ADAM20: variants seen among roughly 807,000 people sequenced by gnomAD.
ADAM20 encodes disintegrin and metalloproteinase domain-containing protein 20.
For missense variants in ADAM20, 871 were observed against 883.2 expected, an observed-to-expected ratio of 0.99 and a Z score of 0.18; for synonymous variants, 305 against 310.2, an observed-to-expected ratio of 0.98 and a Z score of 0.18.
At chr14:70,544,478 T>A in the ADAM20 span, among the ~76,000 whole-genome samples, 42 of 152,292 alleles carry the variant, frequency 2.8e-4, no homozygotes, top group African/African-American at 9.4e-4. Context: ...GCTAAAGCAG[T>A]GCTTACATGG....
chr14:70,545,145 C>T, the ADAM20 span, among the ~76,000 whole-genome samples: 1 of 152,174 alleles, frequency 6.6e-6, no homozygotes, highest in Non-Finnish European at 1.5e-5. Flanking sequence ...CACTGATCAT[C>T]CCCACTGAAG....
the ADAM20 span, among the ~76,000 whole-genome samples, chr14:70,561,531 T>A: frequency 6.6e-6 from 1 of 152,176 alleles, no homozygotes; most frequent in African/African-American, 2.4e-5. Context: ...GCCAAGACAA[T>A]GGGGAAAATG....
chr14:70,567,623 AT>A, the ADAM20 span, among the ~76,000 whole-genome samples: 1 of 152,104 alleles, frequency 6.6e-6, no homozygotes, highest in Admixed American at 6.5e-5. Context: ...AAGTAAGCCC[AT>A]GCTGCATGGG....
the ADAM20 span, among the ~76,000 whole-genome samples, chr14:70,541,365 G>T: frequency 6.6e-6 from 1 of 152,130 alleles, no homozygotes; most frequent in Non-Finnish European, 1.5e-5. Flanking sequence ...TAGATTAAAA[G>T]GTTAAAGAAT....
the ADAM20 span, among the ~76,000 whole-genome samples, chr14:70,577,275 T>A: frequency 6.6e-6 from 1 of 152,112 alleles, no homozygotes; most frequent in African/African-American, 2.4e-5. Flanking sequence ...AATAATATCA[T>A]GAAAAAGTGG....
chr14:70,540,115 G>A, the ADAM20 span, among the ~76,000 whole-genome samples: 40 of 152,080 alleles, frequency 2.6e-4, no homozygotes, highest in African/African-American at 7.2e-5. Flanking sequence ...TCTTGACCTC[G>A]TGATCCGCCT....
chr14:70,523,841 A>G lies in ADAM20; in HGVS notation c.917T>C (p.Met306Thr). ...TTTAACATAGGCAACACCAAGCTTC[A>G]TGCCTTGTGTGTCTTTTATGAAAAG... ...AHLFIKDTQG[M>T]KLGVAYVKGI... Residue 306 changes from methionine to threonine, a missense_variant, in exon 2 of 2, where the codon ATG (methionine) becomes ACG (threonine). Physicochemically the swap from Met to Thr is moderately conservative, Grantham distance 81. Coordinates refer to ENST00000256389, the MANE Select transcript of ADAM20 (RefSeq NM_003814.5). 1 of 1,614,020 alleles carries G rather than the reference A, an allele frequency of 6.2e-7. No homozygotes were observed. Among genetic ancestry groups the G allele is most frequent in the Non-Finnish European group, 8.5e-7 (1 of 1,179,952 alleles).
chr14:70,575,279 C>T, the ADAM20 span, among the ~76,000 whole-genome samples: 1 of 152,026 alleles, frequency 6.6e-6, no homozygotes, highest in East Asian at 1.9e-4. Context: ...ACTGAAACCT[C>T]CACCTCTCAG....
chr14:70,524,146 G>A lies in ADAM20; in HGVS notation c.612C>T (p.Thr204=), dbSNP rs766911811. 3.1e-6 allele frequency: 5 copies of A among 1,613,644 alleles called. No homozygotes were observed. The African/African-American group carries it at 6.7e-5, about 22-fold the overall frequency. ...CTACCAGCTCAACAAACCGCTGATG[G>A]GTCCACCAGCCCACAAAAGAACTTT... The part of the protein sequence containing the change: ...LKQSSFVGWW[T]HQRFVELVVV... Residue 204 remains threonine, a synonymous_variant, in exon 2 of 2, where the codon ACC becomes ACT. Coordinates refer to ENST00000256389, the MANE Select transcript of ADAM20 (RefSeq NM_003814.5).
chr14:70,572,455 C>A, the ADAM20 span, among the ~76,000 whole-genome samples: 1 of 151,996 alleles, frequency 6.6e-6, no homozygotes, highest in Admixed American at 6.6e-5. Flanking sequence ...TAACTCAAAT[C>A]AGATTAAAGA....
the ADAM20 span, among the ~76,000 whole-genome samples, chr14:70,546,760 A>C: frequency 5.3e-5 from 8 of 152,212 alleles, no homozygotes; most frequent in African/African-American, 1.7e-4. Flanking sequence ...CTAGAAAAGC[A>C]ACAGCAAACC....
At chr14:70,530,544 G>C (rs1288795751) in intron 1 of ADAM20, among the ~76,000 whole-genome samples, 1 of 152,018 alleles carries the variant, frequency 6.6e-6, no homozygotes, top group Non-Finnish European at 1.5e-5. Context: ...GTAATGCATA[G>C]GTTTGTTTAC....
At chr14:70,537,723 C>T (rs1389062894), upstream of ADAM20, among the ~76,000 whole-genome samples, 1 of 152,158 alleles carries the variant, frequency 6.6e-6, no homozygotes, top group East Asian at 1.9e-4. Flanking sequence ...CTCCACTGGG[C>T]TGTCTCCTTC....
Position 70,524,523 on chromosome 14 carries a change from T to A in ADAM20, c.235A>T (p.Asn79Tyr), listed in dbSNP as rs923645029. 22 of 1,613,976 alleles carry A rather than the reference T, an allele frequency of 1.4e-5. No homozygotes were observed. Among genetic ancestry groups the A allele is most frequent in the Non-Finnish European group, 1.8e-5 (21 of 1,179,926 alleles). ...GQRYIVHMRVNKLLFAAHLPV... is the reference protein window; with the variant it reads ...GQRYIVHMRVYKLLFAAHLPV... ...AGGTGTGCAGCAAACAACAGCTTAT[T>A]TACCCTCATGTGGACAATGTATCTC... Residue 79 changes from asparagine to tyrosine, a missense_variant, in exon 2 of 2, where the codon AAT becomes TAT. Physicochemically the swap from Asn to Tyr is moderately radical, Grantham distance 143 (BLOSUM62 -2). Transcript: ENST00000256389.
chr14:70,565,723 G>A, the ADAM20 span, among the ~76,000 whole-genome samples: 32 of 152,308 alleles, frequency 2.1e-4, no homozygotes, highest in African/African-American at 6.0e-4. Flanking sequence ...AATATAGTTA[G>A]AACAAATATT....
chr14:70,578,406 G>A, the ADAM20 span, among the ~76,000 whole-genome samples: 1 of 151,998 alleles, frequency 6.6e-6, no homozygotes, highest in African/African-American at 2.4e-5. Context: ...GAAAATCTAG[G>A]GAAAACTCTT....
At chr14:70,570,819 C>CTGG in the ADAM20 span, among the ~76,000 whole-genome samples, 1 of 152,042 alleles carries the variant, frequency 6.6e-6, no homozygotes, top group Admixed American at 6.6e-5. Context: ...AAAAAAACTA[C>CTGG]TGGTCAATAT....
At chr14:70,531,685 G>A (rs150211963) in intron 1 of ADAM20, among the ~76,000 whole-genome samples, 271 of 151,910 alleles carry the variant, frequency 1.8e-3, no homozygotes, top group Non-Finnish European at 3.0e-3. Context: ...AACTACAAAA[G>A]TCACGTGCAT....
chr14:70,560,452 T>A, the ADAM20 span, among the ~76,000 whole-genome samples: 17 of 152,180 alleles, frequency 1.1e-4, no homozygotes. Flanking sequence ...GGAGATCTTA[T>A]TCACAATATC....
Sources: allele counts gnomAD v4.1 joint callset (sites outside exome capture counted in the v4.1 genomes callset), GRCh38; gene constraint gnomAD v4.1.1; transcripts MANE v1.5; gene names NCBI Gene and HGNC (gene_info 2026-07-23, HGNC 2026-07-21).